The following RNF152 variants were observed in gnomAD, a reference collection of about 807,000 sequenced individuals.
The protein encoded by RNF152 is ring finger protein 152.
Under a neutral mutation model 12.7 loss-of-function variants are expected in RNF152, and 11 were observed. The observed-to-expected ratio is 0.86, with a 90% CI of 0.54 to 1.43. The LOEUF is 1.43. Among genes scored for constraint, RNF152 ranks in the 40% most tolerant of loss-of-function variants. The probability of loss-of-function intolerance (pLI) is 0.00; values close to 1 mark genes in which losing one functional copy is unlikely to be tolerated. For synonymous variants in RNF152, 113 were observed against 120.3 expected (o/e 0.94, Z 0.40); for missense variants, 255 against 274.8 (o/e 0.93, Z 0.51).
chr18:61,866,462 G>A (rs545299392), intron 1 of RNF152, among the ~76,000 whole-genome samples: 1 of 151,766 alleles, frequency 6.6e-6, no homozygotes, highest in Non-Finnish European at 1.5e-5. Context: ...TCTCGCCCGC[G>A]TTTCTGTGCT....
At chr18:61,823,361 T>C (rs1204630090) in intron 1 of RNF152, among the ~76,000 whole-genome samples, 1 of 152,236 alleles carries the variant, frequency 6.6e-6, no homozygotes, top group Non-Finnish European at 1.5e-5. Flanking sequence ...AGTGGTGCAA[T>C]CTTGGCTCAC....
At chr18:61,820,209 G>C (rs1599261408) in intron 1 of RNF152, among the ~76,000 whole-genome samples, 1 of 146,720 alleles carries the variant, frequency 6.8e-6, no homozygotes, top group African/African-American at 2.5e-5. Flanking sequence ...GACGCCTGTA[G>C]TCCCAGCTAC....
At chr18:61,831,461 C>T (rs1285731604) in intron 1 of RNF152, among the ~76,000 whole-genome samples, 1 of 152,164 alleles carries the variant, frequency 6.6e-6, no homozygotes, top group African/African-American at 2.4e-5. Context: ...TCAATAACGC[C>T]AGGATGAAAA....
intron 1 of RNF152, among the ~76,000 whole-genome samples, chr18:61,840,363 C>T (rs766242016): frequency 2.0e-5 from 3 of 152,236 alleles, no homozygotes; most frequent in Non-Finnish European, 2.9e-5. Flanking sequence ...CAAGCCTCAA[C>T]ATCTGTAAAA....
intron 1 of RNF152, among the ~76,000 whole-genome samples, chr18:61,873,765 C>G (rs577395535): frequency 3.3e-5 from 5 of 152,268 alleles, no homozygotes; most frequent in African/African-American, 1.2e-4. Flanking sequence ...ATCAGTTTAC[C>G]TGACATATTT....
intron 1 of RNF152, among the ~76,000 whole-genome samples, chr18:61,839,478 G>A (rs969214732): frequency 1.6e-4 from 24 of 152,158 alleles, no homozygotes; most frequent in African/African-American, 5.8e-4. Context: ...TTTTATTTTA[G>A]AGAGGATGAG....
intron 1 of RNF152, among the ~76,000 whole-genome samples, chr18:61,882,754 G>A (rs1485448924): frequency 1.3e-5 from 2 of 152,096 alleles, no homozygotes; most frequent in Non-Finnish European, 2.9e-5. Flanking sequence ...CTATAGGGTG[G>A]AGCCAGGCCT....
At chr18:61,878,731 G>A (rs1251821290) in intron 1 of RNF152, among the ~76,000 whole-genome samples, 1 of 152,194 alleles carries the variant, frequency 6.6e-6, no homozygotes, top group African/African-American at 2.4e-5. Context: ...TCCTCACGTG[G>A]CAGAAGAAAT....
chr18:61,851,619 A>G (rs1164037904), intron 1 of RNF152, among the ~76,000 whole-genome samples: 1 of 152,234 alleles, frequency 6.6e-6, no homozygotes, highest in East Asian at 1.9e-4. Flanking sequence ...TAAGTTTCAG[A>G]GCCAAGGTTT....
chr18:61,823,999 A>G (rs1488528708), intron 1 of RNF152, among the ~76,000 whole-genome samples: 1 of 152,224 alleles, frequency 6.6e-6, no homozygotes, highest in Non-Finnish European at 1.5e-5. Flanking sequence ...ACCCAGCCCC[A>G]GGTGCATTTT....
At chr18:61,890,290 T>C (rs1481696097) in intron 1 of RNF152, 1 of 152,222 alleles carries the variant, frequency 6.6e-6, no homozygotes, top group Non-Finnish European at 1.5e-5. Context: ...CTTCTCCCTT[T>C]TTCAGCACAA....
chr18:61,837,607 A>C (rs1910247423), intron 1 of RNF152, among the ~76,000 whole-genome samples: 1 of 152,150 alleles, frequency 6.6e-6, no homozygotes, highest in African/African-American at 2.4e-5. Flanking sequence ...CCCATATAAC[A>C]AAATCCCTCA....
Position 61,812,130 on chromosome 18 carries a change from A to G in RNF152, c.*3722T>C, listed in dbSNP as rs1908834219. 6.6e-6 allele frequency: 1 copy of G among 152,194 alleles called. No individual in the cohort carries two copies. The highest frequency in any genetic ancestry group is 6.5e-5 in the Admixed American group (1 of 15,270). The allele number at this position is 152,194 out of a possible 1,614,324, so 9.4% of individuals were successfully genotyped here. On this transcript the variant is annotated 3_prime_UTR_variant, in exon 2 of 2. Transcript: ENST00000312828. ...CCTTGATGCTGGATCCCCAAGCGCT[A>G]TCACCCAGAACTGCATCGTTCAATA...
intron 1 of RNF152, among the ~76,000 whole-genome samples, chr18:61,852,658 T>TA (rs1421591940): frequency 6.6e-6 from 1 of 152,148 alleles, no homozygotes; most frequent in Non-Finnish European, 1.5e-5. Flanking sequence ...TGGAGAGATT[T>TA]AAAAAATTCC....
In RNF152 at chr18:61,813,642, C is replaced by T. The variant is rs1395377762; in HGVS notation, c.*2210G>A. ...TACTTTAACAAGTAGAACTCTATCACGTACTATACTACAGGGTCAGTCATT... is the reference window on the plus strand; with the variant it reads ...TACTTTAACAAGTAGAACTCTATCATGTACTATACTACAGGGTCAGTCATT... On this transcript the variant is annotated 3_prime_UTR_variant, in exon 2 of 2. Transcript: ENST00000312828. 4 of 152,208 alleles carry T rather than the reference C, an allele frequency of 2.6e-5. No homozygotes were observed. Among genetic ancestry groups the T allele is most frequent in the Non-Finnish European group, 4.4e-5 (3 of 68,042 alleles). The allele number at this position is 152,208 out of a possible 1,614,324, so 9.4% of individuals were successfully genotyped here. A position where few individuals can be genotyped will look rare whatever the true frequency, so the allele number is the denominator to read the frequency against.
chr18:61,829,597 G>GGAGA (rs111850940), intron 1 of RNF152, among the ~76,000 whole-genome samples: 38,901 of 141,730 alleles, frequency 0.27, 5,845 homozygotes, highest in Non-Finnish European at 0.35. Flanking sequence ...AGAGAGATAA[G>GGAGA]GAGAGAGAGA....
intron 1 of RNF152, among the ~76,000 whole-genome samples, chr18:61,872,929 ATTAGT>A (rs1036674970): frequency 2.0e-5 from 3 of 152,148 alleles, no homozygotes; most frequent in African/African-American, 7.2e-5. Context: ...GATGTTTATT[ATTAGT>A]TTATTTTGTT....
At chr18:61,817,876 CA>C (rs1388656500) in intron 1 of RNF152, among the ~76,000 whole-genome samples, 4 of 152,078 alleles carry the variant, frequency 2.6e-5, no homozygotes, top group African/African-American at 9.7e-5. Context: ...CTCAGTTTCC[CA>C]TTGAAAGCAT....
rs937404451 is a variant in RNF152, at chr18:61,812,038, C to A, written c.*3814G>T. 1 of 152,148 alleles carries A rather than the reference C, an allele frequency of 6.6e-6. No homozygotes were observed. Among genetic ancestry groups the A allele is most frequent in the Non-Finnish European group, 1.5e-5 (1 of 68,036 alleles). 9.4% of individuals were successfully genotyped at this position (152,148 alleles called of 1,614,324 possible). ...TTTAAGCCCAGAAAGGAATGTTTTG[C>A]CTTTTGCCAACTGCATGTCACTAGC... On this transcript the variant is annotated 3_prime_UTR_variant, in exon 2 of 2. Transcript: ENST00000312828.
Sources: gnomAD v4.1 joint callset for allele counts (sites outside exome capture counted in the v4.1 genomes callset) on GRCh38, gnomAD v4.1.1 for gene constraint, MANE v1.5 for transcripts, NCBI Gene and HGNC (gene_info 2026-07-23, HGNC 2026-07-21) for gene names.